Variants in NAALADL2 observed in about 807,000 individuals in gnomAD.
The protein encoded by NAALADL2 is N-acetylated alpha-linked acidic dipeptidase like 2.
In NAALADL2, 76 loss-of-function variants were observed where a neutral mutation model predicts 87.2. The ratio of observed to expected loss-of-function variants is 0.87; its 90% CI spans 0.72 to 1.05. The LOEUF (loss-of-function observed/expected upper bound fraction) is 1.05, where lower values mean the gene tolerates loss of function less well. Among genes scored for constraint, NAALADL2 ranks in the 50% least tolerant of loss-of-function variants. NAALADL2 has a pLI of 0.00. For synonymous variants in NAALADL2, 354 were observed against 331.0 expected (o/e 1.07, Z -0.75); for missense variants, 1,089 against 945.8 (o/e 1.15, Z -1.99).
At chr3:175,729,784 T>TC (rs1743421672) in intron 11 of NAALADL2, among the ~76,000 whole-genome samples, 5 of 149,592 alleles carry the variant, frequency 3.3e-5, no homozygotes, top group Non-Finnish European at 7.4e-5. Flanking sequence ...TTTTTTTTTT[T>TC]CACATGCCAC....
chr3:175,449,204 G>A (rs1019458177), intron 6 of NAALADL2, among the ~76,000 whole-genome samples: 11 of 151,892 alleles, frequency 7.2e-5, no homozygotes, highest in Admixed American at 3.3e-4. Context: ...TCAGCCTTCC[G>A]AGTAGCTAGG....
At chr3:174,699,802 A>C (rs1729378910) in intron 2 of NAALADL2, among the ~76,000 whole-genome samples, 1 of 143,828 alleles carries the variant, frequency 7.0e-6, no homozygotes, top group Admixed American at 6.9e-5. Context: ...GTTAATTTTA[A>C]TCTGTGGAAC....
chr3:174,964,344 T>G (rs1266529737), intron 1 of NAALADL2, among the ~76,000 whole-genome samples: 1 of 152,054 alleles, frequency 6.6e-6, no homozygotes, highest in African/African-American at 2.4e-5. Context: ...AACAGATATC[T>G]ACATGGGAAT....
At chr3:175,763,227 G>A (rs1163521742) in intron 13 of NAALADL2, among the ~76,000 whole-genome samples, 1 of 152,116 alleles carries the variant, frequency 6.6e-6, no homozygotes, top group Non-Finnish European at 1.5e-5. Flanking sequence ...GGTGTTTGGG[G>A]AGTACTGTTG....
chr3:175,214,226 T>G (rs917457158), intron 2 of NAALADL2, among the ~76,000 whole-genome samples: 1 of 152,148 alleles, frequency 6.6e-6, no homozygotes, highest in Non-Finnish European at 1.5e-5. Flanking sequence ...GGTATTCAAC[T>G]TATAGTTTAC....
chr3:175,003,852 G>C (rs1748595978), intron 1 of NAALADL2, among the ~76,000 whole-genome samples: 2 of 152,200 alleles, frequency 1.3e-5, no homozygotes, highest in African/African-American at 4.8e-5. Flanking sequence ...TGAAGGACTA[G>C]AGCAGTGTGC....
intron 2 of NAALADL2, among the ~76,000 whole-genome samples, chr3:175,097,969 T>C (rs184482578): frequency 1.3e-5 from 2 of 152,112 alleles, no homozygotes; most frequent in Non-Finnish European, 2.9e-5. Flanking sequence ...CTGGGTTACA[T>C]TGATTTGTTA....
rs185884916 is a variant in NAALADL2 at position 175,079,044 on chromosome 3, C to T, written c.44-17746C>T. On this transcript the variant is annotated intron_variant, in intron 1 of 13. Transcript: ENST00000454872. ...AAGCAGCTGCACCATTATACATTCC[C>T]ACTAGCAACGTATGGGGTTCTAATT... Among the ~76,000 whole-genome samples, 5 of 152,322 alleles carry T rather than the reference C, an allele frequency of 3.3e-5. No individual in the cohort carries two copies. In the East Asian group the frequency reaches 9.6e-4, roughly 29 times the overall value.
At chr3:175,644,736 A>G (rs1437892288) in intron 11 of NAALADL2, among the ~76,000 whole-genome samples, 2 of 152,132 alleles carry the variant, frequency 1.3e-5, no homozygotes, top group Non-Finnish European at 2.9e-5. Context: ...ATTTCCATAT[A>G]AATGTAAAAA....
At chr3:174,695,056 T>C (rs1411598704) in intron 2 of NAALADL2, among the ~76,000 whole-genome samples, 2 of 152,030 alleles carry the variant, frequency 1.3e-5, no homozygotes, top group Non-Finnish European at 2.9e-5. Flanking sequence ...TACAAAATAT[T>C]ATTAAGACAG....
chr3:174,904,871 A>T (rs1292046989), intron 1 of NAALADL2, among the ~76,000 whole-genome samples: 2 of 151,222 alleles, frequency 1.3e-5, no homozygotes, highest in Non-Finnish European at 3.0e-5. Flanking sequence ...ATTATTAAGC[A>T]TTTTTTTTCT....
Position 175,173,760 on chromosome 3 carries a change from G to A in NAALADL2, c.546-60171G>A, listed in dbSNP as rs1373388691. Among the ~76,000 whole-genome samples, 4 of 152,264 alleles carry A rather than the reference G, an allele frequency of 2.6e-5. No individual in the cohort carries two copies. In the East Asian group the frequency reaches 5.8e-4, roughly 22 times the overall value. On this transcript the variant is annotated intron_variant, in intron 2 of 13. Transcript: ENST00000454872. ...TTCACAGTTGCAAGCACGTTTATTA[G>A]TGAAAGTTGCATCCATCTTTCTGTC...
chr3:175,415,824 A>T (rs1352086177), intron 5 of NAALADL2, among the ~76,000 whole-genome samples: 5 of 151,902 alleles, frequency 3.3e-5, no homozygotes, highest in Non-Finnish European at 5.9e-5. Context: ...TAAAAAAAAA[A>T]AAATTCAGAT....
At chr3:175,786,575 A>G (rs1281890695) in intron 13 of NAALADL2, among the ~76,000 whole-genome samples, 1 of 151,752 alleles carries the variant, frequency 6.6e-6, no homozygotes, top group East Asian at 2.0e-4. Context: ...ACTTCTCTGT[A>G]TTGGTTATTC....
intron 5 of NAALADL2, among the ~76,000 whole-genome samples, chr3:175,423,053 T>TA (rs1366026397): frequency 2.1e-4 from 20 of 95,600 alleles, no homozygotes; most frequent in African/African-American, 8.5e-4. Context: ...ATATATATAT[T>TA]TTTTTTTTTT....
chr3:175,772,328 C>T (rs1213229254), intron 13 of NAALADL2, among the ~76,000 whole-genome samples: 1 of 151,838 alleles, frequency 6.6e-6, no homozygotes, highest in African/African-American at 2.4e-5. Flanking sequence ...GGGACTAGGA[C>T]TCTACAAACT....
intron 5 of NAALADL2, among the ~76,000 whole-genome samples, chr3:175,444,460 C>T (rs1377199081): frequency 1.3e-5 from 2 of 152,136 alleles, no homozygotes; most frequent in Non-Finnish European, 2.9e-5. Context: ...CTCCTATGGT[C>T]TGAAAATCCC....
intron 1 of NAALADL2, among the ~76,000 whole-genome samples, chr3:174,868,913 A>G (rs1727472177): frequency 6.6e-6 from 1 of 152,124 alleles, no homozygotes; most frequent in African/African-American, 2.4e-5. Context: ...GACATTGTGA[A>G]TAGGTGAGAC....
chr3:175,805,174 A>G lies in NAALADL2; in HGVS notation c.*1971A>G, dbSNP rs1401027461. The G allele has an allele frequency of 6.6e-6, 1 of 151,962 alleles. No homozygotes were observed. Among genetic ancestry groups the G allele is most frequent in the Non-Finnish European group, 1.5e-5 (1 of 67,892 alleles). The allele number at this position is 151,962 out of a possible 1,614,324, so 9.4% of individuals were successfully genotyped here. On this transcript the variant is annotated 3_prime_UTR_variant, in exon 14 of 14. Coordinates refer to ENST00000454872, the MANE Select transcript of NAALADL2 (RefSeq NM_207015.3). ...CAGTTATTCACTTACAGATGAAACTAAAACAAATAAAGGCAAGCTATTATC... is the reference window on the plus strand; with the variant it reads ...CAGTTATTCACTTACAGATGAAACTGAAACAAATAAAGGCAAGCTATTATC...
Sources: allele counts gnomAD v4.1 joint callset (sites outside exome capture counted in the v4.1 genomes callset), GRCh38; gene constraint gnomAD v4.1.1; transcripts MANE v1.5; gene names NCBI Gene and HGNC (gene_info 2026-07-23, HGNC 2026-07-21).